Variants in CCL17 observed in about 807,000 individuals in gnomAD.
CCL17 encodes C-C motif chemokine 17.
Under a neutral mutation model 7.4 loss-of-function variants are expected in CCL17, and 8 were observed. The ratio of observed to expected loss-of-function variants is 1.09; its 90% CI spans 0.64 to 1.96. The LOEUF is 1.96. CCL17 is among the 30% of genes most tolerant of loss of function. CCL17 has a pLI of 0.00. For missense variants in CCL17, 102 were observed against 113.0 expected, an observed-to-expected ratio of 0.90 and a Z score of 0.44; for synonymous variants, 40 against 46.1, an observed-to-expected ratio of 0.87 and a Z score of 0.54.
chr16:57,398,558 G>T, the CCL17 span, among the ~76,000 whole-genome samples: 1 of 152,150 alleles, frequency 6.6e-6, no homozygotes, highest in Non-Finnish European at 1.5e-5. Flanking sequence ...GGGATCCATA[G>T]TTGGCAAAAG....
At chr16:57,403,604 TATA>T (rs1598009191), upstream of CCL17, among the ~76,000 whole-genome samples, 15 of 68,608 alleles carry the variant, frequency 2.2e-4, no homozygotes, top group South Asian at 6.6e-3. Context: ...TTATAATATA[TATA>T]ATATATATTT....
At chr16:57,412,345 C>A (rs1902798404) in intron 1 of CCL17, among the ~76,000 whole-genome samples, 2 of 152,174 alleles carry the variant, frequency 1.3e-5, no homozygotes. Flanking sequence ...GCCTGAGGCT[C>A]CTCCGAAGTC....
the CCL17 span, among the ~76,000 whole-genome samples, chr16:57,396,811 A>C: frequency 6.6e-6 from 1 of 152,234 alleles, no homozygotes; most frequent in Non-Finnish European, 1.5e-5. Context: ...CCCCAGGGGC[A>C]GTCCTGATAA....
At position 57,414,031 on chromosome 16, in the gene CCL17, C is replaced by T. The variant is rs759222386; in HGVS notation, c.70+29C>T. The stretch of plus-strand genomic sequence containing the variant: ...AGAGCAGGGGACAGGTGGCCAGGGG[C>T]AGGCACCGGGAGGACAGGGGTTGGG... On this transcript the variant is annotated intron_variant, in intron 2 of 3. Coordinates refer to ENST00000219244, the MANE Select transcript of CCL17 (RefSeq NM_002987.3). 5.2e-5 allele frequency: 83 copies of T among 1,594,830 alleles called. No individual in the cohort carries two copies. In the Admixed American group the frequency reaches 1.4e-3, roughly 27 times the overall value.
At chr16:57,398,837 C>A in the CCL17 span, among the ~76,000 whole-genome samples, 1 of 152,308 alleles carries the variant, frequency 6.6e-6, no homozygotes. Flanking sequence ...TACTGAAGGA[C>A]CAGAGTCCCT....
At chr16:57,398,657 C>A in the CCL17 span, among the ~76,000 whole-genome samples, 1 of 152,312 alleles carries the variant, frequency 6.6e-6, no homozygotes, top group Middle Eastern at 3.4e-3. Flanking sequence ...TTGCTGAGGG[C>A]CCTGGTTCCT....
At chr16:57,408,619 A>G (rs1350751810) in intron 1 of CCL17, among the ~76,000 whole-genome samples, 1 of 151,320 alleles carries the variant, frequency 6.6e-6, no homozygotes, top group Non-Finnish European at 1.5e-5. Flanking sequence ...CCCAGGAGGG[A>G]GTGCAGTGGT....
At chr16:57,411,246 C>A (rs1321749944) in intron 1 of CCL17, among the ~76,000 whole-genome samples, 3 of 152,196 alleles carry the variant, frequency 2.0e-5, no homozygotes, top group African/African-American at 7.2e-5. Flanking sequence ...TTCCCCCGCC[C>A]TTACCCACTG....
At chr16:57,404,574 C>T (rs907972026), upstream of CCL17, among the ~76,000 whole-genome samples, 4 of 151,768 alleles carry the variant, frequency 2.6e-5, no homozygotes, top group Admixed American at 6.6e-5. Context: ...TTTGGTATGG[C>T]GAGTAGGCAG....
In CCL17 at chr16:57,413,974, G is replaced by A. The variant is rs1902826274; in HGVS notation, c.42G>A (p.Leu14=). The stretch of plus-strand genomic sequence containing the variant: ...TGCTGGCCCTGGTCACCCTCCTCCT[G>A]GGGGCTTCTCTGCAGCACATCCACG... ...LKMLALVTLL[L]GASLQHIHAA... Residue 14 remains leucine (L), a synonymous_variant, in exon 2 of 4, where the codon CTG becomes CTA. Transcript: ENST00000219244. 1.2e-6 allele frequency: 2 copies of A among 1,611,152 alleles called. No individual in the cohort carries two copies. Among genetic ancestry groups the A allele is most frequent in the Non-Finnish European group, 1.7e-6 (2 of 1,178,856 alleles).
At chr16:57,404,219 A>G (rs1197315644), upstream of CCL17, among the ~76,000 whole-genome samples, 1 of 152,138 alleles carries the variant, frequency 6.6e-6, no homozygotes, top group Non-Finnish European at 1.5e-5. Flanking sequence ...CGTGAGGTGG[A>G]GAGCCACGGG....
At chr16:57,408,498 A>G (rs775598923) in intron 1 of CCL17, among the ~76,000 whole-genome samples, 4 of 152,046 alleles carry the variant, frequency 2.6e-5, no homozygotes, top group Non-Finnish European at 5.9e-5. Flanking sequence ...TGCAGCCTCA[A>G]CTTTCCTGAT....
At chr16:57,414,681 G>A (rs1902839651) in intron 2 of CCL17, among the ~76,000 whole-genome samples, 6 of 152,104 alleles carry the variant, frequency 3.9e-5, no homozygotes. Flanking sequence ...ACAGGCATGA[G>A]CCACGGCGCC....
the CCL17 span, among the ~76,000 whole-genome samples, chr16:57,399,072 G>A: frequency 6.6e-6 from 1 of 152,158 alleles, no homozygotes; most frequent in East Asian, 1.9e-4. Flanking sequence ...TTGAGAGTAG[G>A]GTGTAGGGGT....
upstream of CCL17, among the ~76,000 whole-genome samples, chr16:57,400,284 G>C (rs537544009): frequency 6.6e-6 from 1 of 152,052 alleles, no homozygotes; most frequent in Non-Finnish European, 1.5e-5. Context: ...GCGTGAACCC[G>C]AGAGGCGGAG....
intron 1 of CCL17, among the ~76,000 whole-genome samples, chr16:57,413,138 G>C (rs1294874643): frequency 6.6e-6 from 1 of 152,150 alleles, no homozygotes; most frequent in Non-Finnish European, 1.5e-5. Context: ...GTTTTGTTCT[G>C]TATCTTAGTG....
intron 1 of CCL17, among the ~76,000 whole-genome samples, chr16:57,413,217 C>G (rs1039883270): frequency 1.3e-5 from 2 of 152,236 alleles, no homozygotes; most frequent in African/African-American, 4.8e-5. Context: ...CCGTTGGGCT[C>G]TTGCCTCCTG....
upstream of CCL17, among the ~76,000 whole-genome samples, chr16:57,403,859 G>T (rs1902657406): frequency 6.7e-6 from 1 of 150,100 alleles, no homozygotes; most frequent in African/African-American, 2.5e-5. Context: ...ATTTCACCAT[G>T]TTGGCCAGGC....
At chr16:57,401,097 G>A (rs1038613908), upstream of CCL17, among the ~76,000 whole-genome samples, 2 of 151,858 alleles carry the variant, frequency 1.3e-5, no homozygotes, top group Non-Finnish European at 1.5e-5. Context: ...TTGGTGTATA[G>A]AATAGCATAC....
Sources: gnomAD v4.1 joint callset for allele counts (sites outside exome capture counted in the v4.1 genomes callset) on GRCh38, gnomAD v4.1.1 for gene constraint, MANE v1.5 for transcripts, NCBI Gene and HGNC (gene_info 2026-07-23, HGNC 2026-07-21) for gene names.